SPTLC3: variants seen among roughly 807,000 people sequenced by gnomAD.
SPTLC3 encodes serine palmitoyltransferase 3.
SPTLC3 carries 36 observed loss-of-function variants against 59.3 expected under a neutral mutation model. The observed-to-expected ratio is 0.61, with a 90% CI of 0.47 to 0.80. The LOEUF (loss-of-function observed/expected upper bound fraction) is 0.80, where lower values mean the gene tolerates loss of function less well. SPTLC3 is among the 30% of genes least tolerant of loss of function. The pLI, the probability that SPTLC3 is intolerant of heterozygous loss-of-function variation, is 0.00. For missense variants in SPTLC3, 625 were observed against 685.1 expected (o/e 0.91, Z 0.98); for synonymous variants, 257 against 240.8 (o/e 1.07, Z -0.62).
chr20:13,138,184 A>G (rs2038294481), intron 9 of SPTLC3, among the ~76,000 whole-genome samples: 1 of 152,154 alleles, frequency 6.6e-6, no homozygotes, highest in Non-Finnish European at 1.5e-5. Flanking sequence ...TGTTTTTGCC[A>G]GGAGAATACA....
In SPTLC3 at chr20:13,044,095, C is replaced by CT. The variant is rs145817191; in HGVS notation, c.118-4842dup. On this transcript the variant is annotated intron_variant, in intron 1 of 11. Transcript: ENST00000399002. ...TACATTATATTCTTTTGTCTTGTTT[C>CT]TTTTTTTTCTTTTTTTTTTTTTGAG... Among the ~76,000 whole-genome samples the CT allele has an allele frequency of 1.4e-4, 16 of 112,662 alleles. No homozygotes were observed. The South Asian group carries it at 2.5e-3, about 18-fold the overall frequency. 73.9% of individuals were successfully genotyped at this position (112,662 alleles called of 152,430 possible).
intron 1 of SPTLC3, among the ~76,000 whole-genome samples, chr20:13,023,542 A>G (rs1985999671): frequency 6.6e-6 from 1 of 152,184 alleles, no homozygotes; most frequent in South Asian, 2.1e-4. Context: ...ACATACCTAG[A>G]TCTCTAAAAG....
intron 7 of SPTLC3, among the ~76,000 whole-genome samples, chr20:13,110,983 A>T (rs1467194878): frequency 6.6e-6 from 1 of 152,148 alleles, no homozygotes; most frequent in Non-Finnish European, 1.5e-5. Context: ...TCAGCCCGCT[A>T]ATCTCATTAG....
chr20:13,114,453 G>C (rs1321890353), intron 7 of SPTLC3, among the ~76,000 whole-genome samples: 1 of 152,166 alleles, frequency 6.6e-6, no homozygotes, highest in Non-Finnish European at 1.5e-5. Flanking sequence ...AACTAGCATA[G>C]CTGGAGCACT....
intron 1 of SPTLC3, among the ~76,000 whole-genome samples, chr20:13,011,586 CT>C (rs1234730820): frequency 6.6e-6 from 1 of 152,204 alleles, no homozygotes; most frequent in African/African-American, 2.4e-5. Context: ...CTCCTTCCCC[CT>C]GGTCCAGCGT....
At chr20:13,108,957 T>A (rs192258808) in intron 6 of SPTLC3, among the ~76,000 whole-genome samples, 3 of 152,292 alleles carry the variant, frequency 2.0e-5, no homozygotes, top group Admixed American at 2.0e-4. Context: ...TTCAGTTTCA[T>A]CTTCTCAAAA....
rs2038499704 is a variant in SPTLC3 at position 13,145,932 on chromosome 20, T to A, written c.1280-8071T>A. ...TAAATAATCAGCATCATTTATTAAA[T>A]AGGGACAAATATAAATAATTCTGCC... On this transcript the variant is annotated intron_variant, in intron 9 of 11. Transcript: ENST00000399002. Among the ~76,000 whole-genome samples the A allele has an allele frequency of 2.0e-5, 3 of 152,192 alleles. No homozygotes were observed. The South Asian group carries it at 6.2e-4, about 32-fold the overall frequency.
At chr20:13,046,661 C>T (rs1030898000) in intron 1 of SPTLC3, among the ~76,000 whole-genome samples, 2 of 152,006 alleles carry the variant, frequency 1.3e-5, no homozygotes, top group Admixed American at 1.3e-4. Context: ...AGTTCAAGTG[C>T]AGAACAGAGC....
In SPTLC3 at chr20:13,058,025, C is replaced by T. The variant is rs567293828; in HGVS notation, c.303+8895C>T. Among the ~76,000 whole-genome samples the T allele has an allele frequency of 3.9e-5, 6 of 152,224 alleles. No homozygotes were observed. In the East Asian group the frequency reaches 7.7e-4, roughly 20 times the overall value. On this transcript the variant is annotated intron_variant, in intron 2 of 11. Transcript: ENST00000399002. ...CTGCAAAATCCGATATAACATGGCA[C>T]CAATGGTAATTCTGTGTTCACATTA...
At chr20:13,112,666 T>G (rs1378613351) in intron 7 of SPTLC3, among the ~76,000 whole-genome samples, 1 of 152,170 alleles carries the variant, frequency 6.6e-6, no homozygotes, top group Non-Finnish European at 1.5e-5. Context: ...AAAGTTCCTT[T>G]CATTTCACCC....
chr20:13,052,546 T>C (rs1257876192), intron 2 of SPTLC3, among the ~76,000 whole-genome samples: 1 of 152,006 alleles, frequency 6.6e-6, no homozygotes, highest in East Asian at 1.9e-4. Context: ...GACAGAACCA[T>C]TCACTCCCCT....
At chr20:13,131,302 T>A (rs2038115329) in intron 9 of SPTLC3, among the ~76,000 whole-genome samples, 3 of 152,248 alleles carry the variant, frequency 2.0e-5, no homozygotes, top group Non-Finnish European at 2.9e-5. Context: ...AGAGTTTGTA[T>A]GATGTGGCTA....
At chr20:13,107,597 GA>G (rs1010338425) in intron 6 of SPTLC3, among the ~76,000 whole-genome samples, 1 of 151,772 alleles carries the variant, frequency 6.6e-6, no homozygotes, top group Non-Finnish European at 1.5e-5. Context: ...GATAAAAAGA[GA>G]AAAAAACAAA....
chr20:13,038,864 T>G (rs903216671), intron 1 of SPTLC3, among the ~76,000 whole-genome samples: 1 of 152,144 alleles, frequency 6.6e-6, no homozygotes, highest in Non-Finnish European at 1.5e-5. Flanking sequence ...TATCTCAAAG[T>G]GTCTTCTAAT....
intron 6 of SPTLC3, among the ~76,000 whole-genome samples, chr20:13,099,171 A>G (rs1306368230): frequency 6.6e-6 from 1 of 152,186 alleles, no homozygotes; most frequent in Non-Finnish European, 1.5e-5. Flanking sequence ...TTAAATGTGG[A>G]AAAGAGTGGC....
At chr20:13,129,535 C>A (rs1332237256) in intron 9 of SPTLC3, among the ~76,000 whole-genome samples, 1 of 152,162 alleles carries the variant, frequency 6.6e-6, no homozygotes, top group Non-Finnish European at 1.5e-5. Flanking sequence ...ATTCTTTGGT[C>A]TTGTTTTAAA....
intron 10 of SPTLC3, among the ~76,000 whole-genome samples, chr20:13,159,342 G>A (rs1008971147): frequency 6.6e-6 from 1 of 152,088 alleles, no homozygotes; most frequent in Non-Finnish European, 1.5e-5. Flanking sequence ...CAGTTGCTGA[G>A]TTTATTATCC....
intron 8 of SPTLC3, among the ~76,000 whole-genome samples, chr20:13,121,676 G>A (rs564297403): frequency 1.3e-4 from 20 of 152,232 alleles, no homozygotes; most frequent in South Asian, 4.1e-4. Context: ...ATGGGGGAAC[G>A]AGAGGGGGAA....
chr20:13,104,725 G>A (rs1479489291), intron 6 of SPTLC3, among the ~76,000 whole-genome samples: 1 of 152,100 alleles, frequency 6.6e-6, no homozygotes, highest in Admixed American at 6.5e-5. Context: ...GTGTCATTGT[G>A]ACTCAAGAAC....
Sources: allele counts gnomAD v4.1 joint callset (sites outside exome capture counted in the v4.1 genomes callset), GRCh38; gene constraint gnomAD v4.1.1; transcripts MANE v1.5; gene names NCBI Gene and HGNC (gene_info 2026-07-23, HGNC 2026-07-21).